Variants in SMG7 observed in about 807,000 individuals in gnomAD.
SMG7 encodes the protein SMG7 nonsense mediated mRNA decay factor, also known as nonsense-mediated mRNA decay factor SMG7.
A neutral mutation model predicts 148.2 loss-of-function variants in SMG7; 34 were observed. The observed-to-expected ratio is 0.23, with a 90% CI of 0.17 to 0.31. SMG7 has a LOEUF of 0.31. Ranked by LOEUF, SMG7 falls within the 10% of genes least tolerant of loss-of-function variation. The pLI, the probability that SMG7 is intolerant of heterozygous loss-of-function variation, is 1.00. For synonymous variants in SMG7, 492 were observed against 515.1 expected (o/e 0.96, Z 0.61); for missense variants, 1,114 against 1,408.4 (o/e 0.79, Z 3.35).
chr1:183,533,664 T>C lies in SMG7; in HGVS notation c.1007-12T>C. ...TATTTCTTATGCTTTTTGAATACAT[T>C]TTTTTTTCAAGTGTCTTTTCTTGGC... is the stretch of plus-strand genomic sequence containing the variant. On this transcript the variant is annotated splice_polypyrimidine_tract_variant and intron_variant, in intron 9 of 22. Transcript: ENST00000688051. 1.3e-6 allele frequency: 2 copies of C among 1,594,778 alleles called. No individual in the cohort carries two copies. Among genetic ancestry groups the C allele is most frequent in the Non-Finnish European group, 1.7e-6 (2 of 1,169,490 alleles).
intron 1 of SMG7, among the ~76,000 whole-genome samples, chr1:183,504,324 GATTTATTT>G (rs374218162): frequency 1.4e-4 from 21 of 150,890 alleles, no homozygotes; most frequent in East Asian, 3.9e-4. Context: ...TTGATATCTT[GATTTATTT>G]ATTTATTTAT....
intron 1 of SMG7, among the ~76,000 whole-genome samples, chr1:183,506,688 G>C (rs188197692): frequency 6.6e-6 from 1 of 150,492 alleles, no homozygotes; most frequent in African/African-American, 2.4e-5. Flanking sequence ...CTCCCAGCGT[G>C]TTCTCCCAAA....
At chr1:183,497,651 C>T (rs1658819508) in intron 1 of SMG7, among the ~76,000 whole-genome samples, 1 of 152,084 alleles carries the variant, frequency 6.6e-6, no homozygotes, top group African/African-American at 2.4e-5. Flanking sequence ...CTCACTGCAA[C>T]CTCTGCCTCC....
chr1:183,540,933 A>C, intron 12 of SMG7, 51 bp from the exon 13 acceptor site: 1 of 1,595,538 alleles, frequency 6.3e-7, no homozygotes, highest in South Asian at 1.1e-5. Context: ...GTTGCCTGGA[A>C]AATATCTTTA....
chr1:183,527,843 A>T lies in SMG7; in HGVS notation c.485-113A>T. The stretch of plus-strand genomic sequence containing the variant: ...TTTAAAGTATTTTGTCTTTAATTTT[A>T]AATTAACTTTAATGTCTTTATTATC... On this transcript the variant is annotated intron_variant, in intron 5 of 22. Transcript: ENST00000688051. This position sits in a 1 kb window ranked among gnomAD's most constrained non-coding sequence, Gnocchi z 4.0. 2 of 704,708 alleles carry T rather than the reference A, an allele frequency of 2.8e-6. No individual in the cohort carries two copies. Among genetic ancestry groups the T allele is most frequent in the Non-Finnish European group, 4.9e-6 (2 of 405,500 alleles). 43.7% of individuals were successfully genotyped at this position (704,708 alleles called of 1,614,324 possible).
intron 12 of SMG7, among the ~76,000 whole-genome samples, chr1:183,539,921 T>C (rs1668496033): frequency 1.3e-5 from 2 of 152,216 alleles, no homozygotes; most frequent in Admixed American, 1.3e-4. Context: ...TTTTTAAGTA[T>C]GGAAATAGTG....
At position 183,533,680 on chromosome 1, in the gene SMG7, T is replaced by G; in HGVS notation, c.1011T>G (p.Ser337=). ...CWTQLLALFM[S]FLGILCKCPL... is the part of the protein sequence containing the mutation. ...TGAATACATTTTTTTTTCAAGTGTC[T>G]TTTCTTGGCATCCTGTGCAAGTGTC... Residue 337 remains serine, a synonymous_variant, in exon 10 of 23, where the codon TCT becomes TCG. Transcript: ENST00000688051. 1 of 1,595,920 alleles carries G rather than the reference T, an allele frequency of 6.3e-7. No homozygotes were observed. Among genetic ancestry groups the G allele is most frequent in the Non-Finnish European group, 8.5e-7 (1 of 1,172,118 alleles).
At chr1:183,478,726 T>C (rs1254719582) in intron 1 of SMG7, among the ~76,000 whole-genome samples, 1 of 151,814 alleles carries the variant, frequency 6.6e-6, no homozygotes, top group African/African-American at 2.4e-5. Context: ...AGAAAAATTG[T>C]TTCCTGCCTC....
chr1:183,498,546 A>T (rs1659059383), intron 1 of SMG7, among the ~76,000 whole-genome samples: 1 of 152,174 alleles, frequency 6.6e-6, no homozygotes, highest in South Asian at 2.1e-4. Context: ...TTTCCAACCT[A>T]ATTTTTGTTC....
chr1:183,528,845 CTT>C (rs1558029263), intron 6 of SMG7, 45 bp from the exon 7 acceptor site: 3 of 1,488,476 alleles, frequency 2.0e-6, no homozygotes, highest in Non-Finnish European at 1.8e-6. Flanking sequence ...TATAGCAAGA[CTT>C]TGTCACTCTT....
At chr1:183,499,540 T>C (rs939662397) in intron 1 of SMG7, among the ~76,000 whole-genome samples, 2 of 152,258 alleles carry the variant, frequency 1.3e-5, no homozygotes, top group Non-Finnish European at 2.9e-5. Context: ...TCTGTGTATC[T>C]TCTTTGGCAA....
At chr1:183,549,972 G>A (rs552032349) in intron 20 of SMG7, 49 bp downstream of exon 20, 29 of 1,295,190 alleles carry the variant, frequency 2.2e-5, no homozygotes, top group Middle Eastern at 3.7e-4. Flanking sequence ...TGTACACTCA[G>A]ATTGATTAAG....
chr1:183,521,525 G>A (rs1188093010), intron 4 of SMG7, among the ~76,000 whole-genome samples: 1 of 152,160 alleles, frequency 6.6e-6, no homozygotes, highest in East Asian at 1.9e-4. Context: ...TGAGAAAGTA[G>A]ACAAATTCCA....
At chr1:183,538,480 T>G (rs1209204891) in intron 12 of SMG7, 40 bp downstream of exon 12, 1 of 1,323,518 alleles carries the variant, frequency 7.6e-7, no homozygotes, top group African/African-American at 1.4e-5. Flanking sequence ...TGCCAGTGAT[T>G]GCAGTATTAA....
In SMG7 at chr1:183,499,815, C is replaced by T. The variant is rs550431193; in HGVS notation, c.30-13022C>T. On this transcript the variant is annotated intron_variant, in intron 1 of 22. Coordinates refer to ENST00000688051, the MANE Select transcript of SMG7 (RefSeq NM_001375584.1). ...ACTTACATTAACACTACTTTTAATT[C>T]TAGTATCTACTCATATTTTTGCTTT... Among the ~76,000 whole-genome samples the T allele has an allele frequency of 5.3e-5, 8 of 152,134 alleles. No individual in the cohort carries two copies. The East Asian group carries it at 1.2e-3, about 22-fold the overall frequency.
At chr1:183,492,850 C>T (rs909694508) in intron 1 of SMG7, among the ~76,000 whole-genome samples, 15 of 152,144 alleles carry the variant, frequency 9.9e-5, no homozygotes, top group African/African-American at 2.7e-4. Context: ...AAATACCTCT[C>T]TAAGCACTGC....
intron 10 of SMG7, among the ~76,000 whole-genome samples, chr1:183,534,556 T>G (rs1339828426): frequency 6.6e-6 from 1 of 152,196 alleles, no homozygotes; most frequent in Non-Finnish European, 1.5e-5. Flanking sequence ...ATGCCTTTTT[T>G]AAGCCACATT....
At chr1:183,483,199 C>T (rs1654602757) in intron 1 of SMG7, among the ~76,000 whole-genome samples, 1 of 152,144 alleles carries the variant, frequency 6.6e-6, no homozygotes, top group Admixed American at 6.5e-5. Flanking sequence ...GTTCTTTTCT[C>T]AGATCGCAGA....
intron 20 of SMG7, among the ~76,000 whole-genome samples, chr1:183,550,312 C>T (rs1670777576): frequency 6.6e-6 from 1 of 152,142 alleles, no homozygotes; most frequent in Non-Finnish European, 1.5e-5. Context: ...TCAAGCAGTC[C>T]TTCCATCTCA....
Sources: allele counts gnomAD v4.1 joint callset (sites outside exome capture counted in the v4.1 genomes callset), GRCh38; gene constraint gnomAD v4.1.1; non-coding constraint Gnocchi (gnomAD v3.1); transcripts MANE v1.5; gene names NCBI Gene and HGNC (gene_info 2026-07-23, HGNC 2026-07-21).